Variants in RBFOX2 observed in about 807,000 individuals in gnomAD.
RBFOX2 encodes the protein RNA binding protein fox-1 homolog 2.
RBFOX2 carries 10 observed loss-of-function variants against 49.1 expected under a neutral mutation model. That is an observed-to-expected ratio of 0.20 (90% CI 0.13 to 0.35). The LOEUF is 0.35. Among genes scored for constraint, RBFOX2 ranks in the 10% least tolerant of loss-of-function variants. The pLI is 1.00. For synonymous variants in RBFOX2, 183 were observed against 187.4 expected, an observed-to-expected ratio of 0.98 and a Z score of 0.19; for missense variants, 323 against 486.9, an observed-to-expected ratio of 0.66 and a Z score of 3.17.
chr22:35,958,286 T>C (rs2055818134), intron 1 of RBFOX2, among the ~76,000 whole-genome samples: 1 of 152,208 alleles, frequency 6.6e-6, no homozygotes, highest in African/African-American at 2.4e-5. Context: ...AATTTTATTT[T>C]CTGGTCTATA....
At chr22:36,028,332 C>A in exon 1 of RBFOX2, 8 of 1,500,182 alleles carry the variant, frequency 5.3e-6, no homozygotes, top group Non-Finnish European at 7.1e-6. Context: ...GCTCCGGGCA[C>A]CGGCAGCTCC....
chr22:35,977,743 T>G (rs1161983903), intron 1 of RBFOX2, among the ~76,000 whole-genome samples: 2 of 138,424 alleles, frequency 1.4e-5, no homozygotes, highest in African/African-American at 2.7e-5. Context: ...TATATATATA[T>G]ATATATATAT....
chr22:35,810,721 T>C (rs572141211), intron 1 of RBFOX2, among the ~76,000 whole-genome samples: 1 of 152,360 alleles, frequency 6.6e-6, no homozygotes, highest in South Asian at 2.1e-4. Flanking sequence ...ATAACTGTCA[T>C]ATGATAAACA....
intron 1 of RBFOX2, among the ~76,000 whole-genome samples, chr22:35,891,528 T>C (rs1212854081): frequency 6.6e-6 from 1 of 152,198 alleles, no homozygotes; most frequent in Non-Finnish European, 1.5e-5. Flanking sequence ...CTGAACTGAT[T>C]TATTAAGAAG....
rs118151969 is a variant in RBFOX2, at chr22:35,854,026, T to A, written c.-33-44022A>T. 3.0e-3 allele frequency among the ~76,000 whole-genome samples: 457 copies of A among 151,964 alleles called. 2 individuals carry two copies. Among genetic ancestry groups the A allele is most frequent in the Non-Finnish European group, 4.1e-3 (279 of 67,942 alleles). ...AGGTGTTCGAGACCAGCCTGACCAA[T>A]GTGGTGAAACCCCTTCTCTGTTAAA... On this transcript the variant is annotated intron_variant, in intron 1 of 13. Transcript: ENST00000359369.
At chr22:35,938,860 G>A (rs752585152) in exon 1 of RBFOX2, 40 of 1,613,650 alleles carry the variant, frequency 2.5e-5, no homozygotes, top group Non-Finnish European at 3.0e-5. Context: ...GCTGTCCCGC[G>A]CTGGGAATCC....
chr22:35,936,000 A>C (rs2053015245), intron 1 of RBFOX2, among the ~76,000 whole-genome samples: 1 of 152,164 alleles, frequency 6.6e-6, no homozygotes, highest in South Asian at 2.1e-4. Flanking sequence ...ACTGATAAGA[A>C]TCTTGTCTGC....
At chr22:35,823,581 G>A (rs913166358) in intron 1 of RBFOX2, among the ~76,000 whole-genome samples, 7 of 152,158 alleles carry the variant, frequency 4.6e-5, no homozygotes, top group South Asian at 4.1e-4. Context: ...CAGAAGTAAT[G>A]ATTTATTTTC....
At chr22:35,837,768 T>A (rs1339079549) in intron 1 of RBFOX2, among the ~76,000 whole-genome samples, 2 of 152,232 alleles carry the variant, frequency 1.3e-5, no homozygotes, top group Non-Finnish European at 1.5e-5. Flanking sequence ...ATTTAGCACA[T>A]CCTGATAAAA....
At position 35,889,045 on chromosome 22, in the gene RBFOX2, C is replaced by T. The variant is rs545900064; in HGVS notation, c.-34+49802G>A. ...TGTGGGTGCCTGTAATCCCAGCTAC[C>T]TGGGAGGCTTGAGGCAGGAGAATCG... On this transcript the variant is annotated intron_variant, in intron 1 of 13. Coordinates refer to the RBFOX2 transcript ENST00000359369. Among the ~76,000 whole-genome samples the T allele has an allele frequency of 4.9e-4, 74 of 152,108 alleles. 1 individual carries two copies. Among genetic ancestry groups the T allele is most frequent in the South Asian group, 3.5e-3 (17 of 4,812 alleles).
At chr22:35,950,961 T>TC (rs1271109820) in intron 1 of RBFOX2, among the ~76,000 whole-genome samples, 6 of 150,708 alleles carry the variant, frequency 4.0e-5, no homozygotes, top group Non-Finnish European at 5.9e-5. Flanking sequence ...TTCTTTTTTT[T>TC]TTTTTTTTTG....
chr22:35,817,557 G>GT (rs924735137), intron 1 of RBFOX2, among the ~76,000 whole-genome samples: 3 of 152,098 alleles, frequency 2.0e-5, no homozygotes, highest in East Asian at 1.9e-4. Flanking sequence ...GGCTATAAAT[G>GT]TAAGTTTCCT....
intron 4 of RBFOX2, among the ~76,000 whole-genome samples, chr22:35,770,809 A>G (rs1942450010): frequency 6.6e-6 from 1 of 152,198 alleles, no homozygotes; most frequent in Non-Finnish European, 1.5e-5. Context: ...GTCTGCTTGG[A>G]TAAGATTTTC....
At chr22:35,775,802 A>G (rs1943730365) in intron 4 of RBFOX2, among the ~76,000 whole-genome samples, 1 of 146,972 alleles carries the variant, frequency 6.8e-6, no homozygotes, top group Non-Finnish European at 1.5e-5. Context: ...GACTGTGCCA[A>G]TGCAACTTTA....
chr22:35,752,340 G>A (rs1935268079), intron 9 of RBFOX2, among the ~76,000 whole-genome samples: 1 of 152,208 alleles, frequency 6.6e-6, no homozygotes, highest in Non-Finnish European at 1.5e-5. Flanking sequence ...TAAAAGAGGT[G>A]GCAGTGATGG....
At chr22:35,878,184 G>A (rs1478365985) in intron 1 of RBFOX2, among the ~76,000 whole-genome samples, 1 of 151,838 alleles carries the variant, frequency 6.6e-6, no homozygotes, top group Non-Finnish European at 1.5e-5. Flanking sequence ...ATCCCCTAAG[G>A]TCAAGAGTTC....
At chr22:35,830,992 A>G (rs570901635) in intron 1 of RBFOX2, among the ~76,000 whole-genome samples, 1 of 152,300 alleles carries the variant, frequency 6.6e-6, no homozygotes, top group East Asian at 1.9e-4. Flanking sequence ...TCTCTCTGTC[A>G]TGAAGCTATA....
At chr22:35,925,181 G>C (rs924512629) in intron 1 of RBFOX2, among the ~76,000 whole-genome samples, 4 of 151,500 alleles carry the variant, frequency 2.6e-5, no homozygotes, top group African/African-American at 7.3e-5. Flanking sequence ...AACAGAGCAA[G>C]ACTTTATCTC....
chr22:35,767,832 C>T (rs1941481412), intron 5 of RBFOX2, among the ~76,000 whole-genome samples: 1 of 152,028 alleles, frequency 6.6e-6, no homozygotes, highest in African/African-American at 2.4e-5. Context: ...TTGGCTGGCC[C>T]CTTGATTCAT....
Sources: gnomAD v4.1 joint callset for allele counts (sites outside exome capture counted in the v4.1 genomes callset) on GRCh38, gnomAD v4.1.1 for gene constraint, MANE v1.5 for transcripts, NCBI Gene and HGNC (gene_info 2026-07-23, HGNC 2026-07-21) for gene names.